Variants in SIRPA observed in about 807,000 individuals in gnomAD.
SIRPA encodes signal regulatory protein alpha.
Under a neutral mutation model 50.3 loss-of-function variants are expected in SIRPA, and 9 were observed. That is an observed-to-expected ratio of 0.18 (90% CI 0.11 to 0.31). SIRPA has a LOEUF of 0.31. Among genes scored for constraint, SIRPA ranks in the 10% least tolerant of loss-of-function variants. The probability of loss-of-function intolerance (pLI) is 1.00; values close to 1 mark genes in which losing one functional copy is unlikely to be tolerated. For synonymous variants in SIRPA, 265 were observed against 284.1 expected (o/e 0.93, Z 0.68); for missense variants, 474 against 661.6 (o/e 0.72, Z 3.11).
In SIRPA at chr20:1,937,703, G is replaced by A; in HGVS notation, c.*135G>A. 5.9e-6 allele frequency: 7 copies of A among 1,184,686 alleles called. No individual in the cohort carries two copies. Among genetic ancestry groups the A allele is most frequent in the Non-Finnish European group, 8.2e-6 (7 of 857,144 alleles). The allele number at this position is 1,184,686 out of a possible 1,614,324, so 73.4% of individuals were successfully genotyped here. The stretch of plus-strand genomic sequence containing the variant: ...GGCTCTGGGACCCAGGGGCCAGGGT[G>A]GCTCTTCTCTCCCCACCCCTCCTTG... On this transcript the variant is annotated 3_prime_UTR_variant, in exon 8 of 8. Transcript: ENST00000358771. This position sits in a 1 kb window ranked among gnomAD's most constrained non-coding sequence, Gnocchi z 8.3.
rs1347169288 is a variant in SIRPA, at chr20:1,927,065, C to G, written c.1202-810C>G. Among the ~76,000 whole-genome samples the G allele has an allele frequency of 6.6e-6, 1 of 152,200 alleles. No individual in the cohort carries two copies. The highest frequency in any genetic ancestry group is 1.5e-5 in the Non-Finnish European group (1 of 68,026). On this transcript the variant is annotated intron_variant, in intron 5 of 7. Transcript: ENST00000358771. The surrounding 1 kb of genome is among the most constrained non-coding windows in gnomAD (Gnocchi z 6.5). The stretch of plus-strand genomic sequence containing the variant: ...AGACTTTCGGTGCTGAGCACAGCTT[C>G]CAACTGGTACACCTCATCTAAAGAT...
At position 1,900,604 on chromosome 20, in the gene SIRPA, C is replaced by T. The variant is rs529485793; in HGVS notation, c.79+5078C>T. 9.8e-5 allele frequency among the ~76,000 whole-genome samples: 15 copies of T among 152,302 alleles called. No individual in the cohort carries two copies. In the East Asian group the frequency reaches 1.5e-3, roughly 16 times the overall value. On this transcript the variant is annotated intron_variant, in intron 1 of 7. Coordinates refer to ENST00000358771, the MANE Select transcript of SIRPA (RefSeq NM_001040023.2). ...AGCCCTCTGTGCTTTCATCCAGTGC[C>T]TTATGGTGCGGCCAGAAGAACAGAG... is the stretch of plus-strand genomic sequence containing the variant.
intron 2 of SIRPA, among the ~76,000 whole-genome samples, chr20:1,918,984 C>T (rs1321956910): frequency 2.0e-5 from 3 of 152,212 alleles, no homozygotes; most frequent in African/African-American, 7.2e-5. Flanking sequence ...TCAGTGATAA[C>T]ACCAACCTCA....
chr20:1,918,949 C>T (rs1314803359), intron 2 of SIRPA, among the ~76,000 whole-genome samples: 1 of 152,242 alleles, frequency 6.6e-6, no homozygotes, highest in Admixed American at 6.5e-5. Flanking sequence ...CACTCCACCA[C>T]CATGGGCCTC....
Position 1,933,388 on chromosome 20 carries a change from A to G in SIRPA, c.1227-1327A>G, listed in dbSNP as rs1600459986. On this transcript the variant is annotated intron_variant, in intron 6 of 7. Coordinates refer to ENST00000358771, the MANE Select transcript of SIRPA (RefSeq NM_001040023.2). This position sits in a 1 kb window ranked among gnomAD's most constrained non-coding sequence, Gnocchi z 4.4. ...GCTGCTATTGAAGCATGAAGTACAT[A>G]ACATCAAATGCCACCCCCCCCCCGA... Among the ~76,000 whole-genome samples the G allele has an allele frequency of 6.8e-6, 1 of 147,356 alleles. No homozygotes were observed. Among genetic ancestry groups the G allele is most frequent in the African/African-American group, 2.6e-5 (1 of 38,866 alleles).
intron 1 of SIRPA, among the ~76,000 whole-genome samples, chr20:1,902,190 G>A (rs773984439): frequency 5.4e-4 from 82 of 152,072 alleles, no homozygotes; most frequent in Non-Finnish European, 4.6e-4. Flanking sequence ...GAGGAGAATC[G>A]GGGAGTATAT....
At chr20:1,923,032 G>A (rs577217070) in intron 4 of SIRPA, among the ~76,000 whole-genome samples, 15 of 152,282 alleles carry the variant, frequency 9.9e-5, no homozygotes, top group Admixed American at 3.3e-4. Flanking sequence ...GCCATTGGGA[G>A]CCTGCCCCAC....
chr20:1,905,154 C>G (rs746484432), intron 1 of SIRPA, among the ~76,000 whole-genome samples: 1 of 152,196 alleles, frequency 6.6e-6, no homozygotes, highest in Non-Finnish European at 1.5e-5. Flanking sequence ...CCCGTCAGTC[C>G]GGAGACTGTC....
Position 1,898,979 on chromosome 20 carries a change from C to T in SIRPA, c.79+3453C>T, listed in dbSNP as rs948411904. 6.6e-6 allele frequency among the ~76,000 whole-genome samples: 1 copy of T among 151,810 alleles called. No individual in the cohort carries two copies. Among genetic ancestry groups the T allele is most frequent in the Non-Finnish European group, 1.5e-5 (1 of 67,976 alleles). On this transcript the variant is annotated intron_variant, in intron 1 of 7. Coordinates refer to ENST00000358771, the MANE Select transcript of SIRPA (RefSeq NM_001040023.2). The surrounding 1 kb of genome is among the most constrained non-coding windows in gnomAD (Gnocchi z 4.3). ...TTGCGACAGATGGAGAGGGGGTGTG[C>T]GAGAGGAAGGGAGTCTAAAAGTGTT... is the stretch of plus-strand genomic sequence containing the variant.
At chr20:1,917,773 C>G (rs1489118088) in intron 2 of SIRPA, among the ~76,000 whole-genome samples, 1 of 152,154 alleles carries the variant, frequency 6.6e-6, no homozygotes, top group Non-Finnish European at 1.5e-5. Flanking sequence ...CTGGTGGGTG[C>G]TTGGGGCTCA....
intron 1 of SIRPA, among the ~76,000 whole-genome samples, chr20:1,914,156 C>G (rs1309183241): frequency 6.6e-6 from 1 of 152,226 alleles, no homozygotes; most frequent in Non-Finnish European, 1.5e-5. Flanking sequence ...GGGCCCATCT[C>G]AGGGCTAAGT....
Position 1,937,337 on chromosome 20 carries a change from A to C in SIRPA, c.1284A>C (p.Thr428=), listed in dbSNP as rs747659058. Residue 428 remains threonine, a synonymous_variant, in exon 8 of 8, where the codon ACA becomes ACC. Coordinates refer to ENST00000358771, the MANE Select transcript of SIRPA (RefSeq NM_001040023.2). This position sits in a 1 kb window ranked among gnomAD's most constrained non-coding sequence, Gnocchi z 8.3. ...AAATCCAGGACACAAATGATATCAC[A>C]TATGCAGACCTGAACCTGCCCAAGG... ...REITQDTNDI[T]YADLNLPKGK... 3 of 1,613,936 alleles carry C rather than the reference A, an allele frequency of 1.9e-6. No individual in the cohort carries two copies. Among genetic ancestry groups the C allele is most frequent in the South Asian group, 1.1e-5 (1 of 91,080 alleles).
rs916438887 is a variant in SIRPA, at chr20:1,939,054, C to G, written c.*1486C>G. 2.0e-5 allele frequency: 3 copies of G among 152,688 alleles called. No homozygotes were observed. The highest frequency in any genetic ancestry group is 7.2e-5 in the African/African-American group (3 of 41,456). 9.5% of individuals were successfully genotyped at this position (152,688 alleles called of 1,614,324 possible). A position where few individuals can be genotyped will look rare whatever the true frequency, so the allele number is the denominator to read the frequency against. ...AGCTGTGAAGCTCGGGCTGATTCCC[C>G]CTCTGTCCCAGAAGGTTGGCCAGAG... On this transcript the variant is annotated 3_prime_UTR_variant, in exon 8 of 8. Transcript: ENST00000358771. The surrounding 1 kb of genome is among the most constrained non-coding windows in gnomAD (Gnocchi z 4.7).
chr20:1,915,876 C>T (rs932412499), intron 2 of SIRPA, among the ~76,000 whole-genome samples: 1 of 152,240 alleles, frequency 6.6e-6, no homozygotes, highest in African/African-American at 2.4e-5. Flanking sequence ...GTGTGCCAGG[C>T]TCCGCCAAGC....
intron 1 of SIRPA, among the ~76,000 whole-genome samples, chr20:1,904,645 T>A (rs959671875): frequency 1.1e-4 from 17 of 152,244 alleles, no homozygotes; most frequent in Non-Finnish European, 2.2e-4. Context: ...CTATTGTTAC[T>A]GCTGTTATGT....
At chr20:1,926,714 A>C (rs1985999804) in intron 5 of SIRPA, among the ~76,000 whole-genome samples, 1 of 152,228 alleles carries the variant, frequency 6.6e-6, no homozygotes, top group African/African-American at 2.4e-5. Context: ...GGCATGGGAA[A>C]GTTATAAAAC....
chr20:1,937,819 A>G lies in SIRPA; in HGVS notation c.*251A>G. The G allele has an allele frequency of 1.8e-6, 1 of 549,348 alleles. No homozygotes were observed. Among genetic ancestry groups the G allele is most frequent in the Non-Finnish European group, 3.2e-6 (1 of 307,806 alleles). The allele number at this position is 549,348 out of a possible 1,614,324, so 34.0% of individuals were successfully genotyped here. On this transcript the variant is annotated 3_prime_UTR_variant, in exon 8 of 8. Coordinates refer to ENST00000358771, the MANE Select transcript of SIRPA (RefSeq NM_001040023.2). The surrounding 1 kb of genome is among the most constrained non-coding windows in gnomAD (Gnocchi z 8.3). ...ACGTTGCCAAACCAGCCAGGGAACC[A>G]ACCTGGGAAGTGGCCAGAACTGCCT...
chr20:1,916,241 C>T (rs1985284925), intron 2 of SIRPA, among the ~76,000 whole-genome samples: 1 of 152,166 alleles, frequency 6.6e-6, no homozygotes, highest in Non-Finnish European at 1.5e-5. Context: ...ACTGCCAGAG[C>T]CCCAGGATCC....
At chr20:1,901,957 T>A (rs1299192105) in intron 1 of SIRPA, among the ~76,000 whole-genome samples, 2 of 152,302 alleles carry the variant, frequency 1.3e-5, no homozygotes, top group African/African-American at 4.8e-5. Flanking sequence ...AGGCCGACCG[T>A]CGGTGTTCTC....
Sources: allele counts gnomAD v4.1 joint callset (sites outside exome capture counted in the v4.1 genomes callset), GRCh38; gene constraint gnomAD v4.1.1; non-coding constraint Gnocchi (gnomAD v3.1); transcripts MANE v1.5; gene names NCBI Gene and HGNC (gene_info 2026-07-23, HGNC 2026-07-21).